The following SUGCT variants were observed in gnomAD, a reference collection of about 807,000 sequenced individuals.
SUGCT encodes succinyl-CoA:glutarate CoA-transferase.
SUGCT carries 41 observed loss-of-function variants against 55.0 expected under a neutral mutation model. The observed-to-expected ratio is 0.74, with a 90% confidence interval of 0.58 to 0.97. SUGCT has a LOEUF of 0.97. Among genes scored for constraint, SUGCT ranks in the 50% least tolerant of loss-of-function variants. The pLI is 0.00. For missense variants in SUGCT, 568 were observed against 547.8 expected, an observed-to-expected ratio of 1.04 and a Z score of -0.37; for synonymous variants, 187 against 200.4, an observed-to-expected ratio of 0.93 and a Z score of 0.56.
At position 40,344,751 on chromosome 7, in the gene SUGCT, A is replaced by G. The variant is rs1473561494; in HGVS notation, c.816+27896A>G. Among the ~76,000 whole-genome samples the G allele has an allele frequency of 7.2e-5, 11 of 152,282 alleles. No individual in the cohort carries two copies. In the East Asian group the frequency reaches 2.1e-3, roughly 29 times the overall value. Reference sequence around the variant, plus strand: ...TCCCTTCTTGGGCTTTTTCCTCCTCAGAGATTTTGCTTGAATTCTACTTTT... The same window carrying G: ...TCCCTTCTTGGGCTTTTTCCTCCTCGGAGATTTTGCTTGAATTCTACTTTT... On this transcript the variant is annotated intron_variant, in intron 9 of 13. Transcript: ENST00000335693.
intron 12 of SUGCT, among the ~76,000 whole-genome samples, chr7:40,669,915 G>A (rs566352751): frequency 6.6e-6 from 1 of 151,890 alleles, no homozygotes; most frequent in East Asian, 1.9e-4. Flanking sequence ...AATTTGTTAA[G>A]AGACATAGTT....
intron 13 of SUGCT, among the ~76,000 whole-genome samples, chr7:40,787,226 G>C (rs2128742445): frequency 6.6e-6 from 1 of 152,260 alleles, no homozygotes; most frequent in African/African-American, 2.4e-5. Flanking sequence ...TCAAAAATCT[G>C]TTCAAAATCA....
chr7:40,403,079 C>T (rs1786169486), intron 9 of SUGCT, among the ~76,000 whole-genome samples: 1 of 152,176 alleles, frequency 6.6e-6, no homozygotes, highest in African/African-American at 2.4e-5. Flanking sequence ...CCTTATTCCT[C>T]ATGTCCTATC....
the SUGCT span, among the ~76,000 whole-genome samples, chr7:40,868,053 T>C: frequency 2.0e-5 from 3 of 152,204 alleles, no homozygotes; most frequent in Admixed American, 2.0e-4. Flanking sequence ...TTTATTTTAC[T>C]ACTCATAGTG....
chr7:40,999,440 G>A, the SUGCT span, among the ~76,000 whole-genome samples: 1 of 152,132 alleles, frequency 6.6e-6, no homozygotes, highest in Non-Finnish European at 1.5e-5. Context: ...TTGAGAAAGA[G>A]GCCAACAGAG....
intron 12 of SUGCT, among the ~76,000 whole-genome samples, chr7:40,563,069 G>A (rs904990180): frequency 6.6e-6 from 1 of 152,060 alleles, no homozygotes; most frequent in South Asian, 2.1e-4. Context: ...CCCAAGTAAC[G>A]GTGGATCATC....
intron 9 of SUGCT, among the ~76,000 whole-genome samples, chr7:40,432,054 G>A (rs1460148971): frequency 6.6e-6 from 1 of 151,996 alleles, no homozygotes; most frequent in African/African-American, 2.4e-5. Context: ...AGTACTTTCA[G>A]TACTATGTTG....
chr7:40,879,991 T>A, the SUGCT span, among the ~76,000 whole-genome samples: 2 of 152,180 alleles, frequency 1.3e-5, no homozygotes, highest in Admixed American at 6.5e-5. Flanking sequence ...AGGAACATAC[T>A]CTGTTCCTTG....
intron 12 of SUGCT, among the ~76,000 whole-genome samples, chr7:40,630,057 A>G (rs948984320): frequency 2.6e-5 from 4 of 152,212 alleles, no homozygotes; most frequent in African/African-American, 9.6e-5. Flanking sequence ...ATGATTTTAA[A>G]TTTATACTAA....
intron 9 of SUGCT, among the ~76,000 whole-genome samples, chr7:40,389,358 G>A (rs1237973170): frequency 6.6e-6 from 1 of 151,974 alleles, no homozygotes; most frequent in Non-Finnish European, 1.5e-5. Flanking sequence ...AGGCTGAGGT[G>A]GGAGAATCAA....
At chr7:40,882,596 C>T in the SUGCT span, among the ~76,000 whole-genome samples, 1 of 152,262 alleles carries the variant, frequency 6.6e-6, no homozygotes, top group African/African-American at 2.4e-5. Flanking sequence ...GATTAAGGCT[C>T]ACACTAATTG....
intron 12 of SUGCT, among the ~76,000 whole-genome samples, chr7:40,559,730 G>A (rs771531194): frequency 3.3e-5 from 5 of 152,202 alleles, no homozygotes; most frequent in Admixed American, 2.0e-4. Flanking sequence ...CTGTGGATGT[G>A]TGGGATGGAG....
At chr7:40,494,305 A>G (rs994745318) in intron 11 of SUGCT, among the ~76,000 whole-genome samples, 1 of 152,182 alleles carries the variant, frequency 6.6e-6, no homozygotes, top group African/African-American at 2.4e-5. Flanking sequence ...CTATTCGAAA[A>G]GGCTGCAGGT....
chr7:40,227,116 G>A (rs560612316), intron 6 of SUGCT, among the ~76,000 whole-genome samples: 98 of 136,088 alleles, frequency 7.2e-4, no homozygotes, highest in African/African-American at 2.5e-3. Context: ...GCGCTGTATC[G>A]GCTCACTGCA....
chr7:40,984,394 C>CA, the SUGCT span, among the ~76,000 whole-genome samples: 3,091 of 149,096 alleles, frequency 0.021, 92 homozygotes, highest in African/African-American at 0.071. Flanking sequence ...TTTTTATAGG[C>CA]AAAAAAAAAT....
intron 3 of SUGCT, among the ~76,000 whole-genome samples, 197 bp from the exon 4 acceptor site, chr7:40,188,298 G>A (rs1785660757): frequency 6.6e-6 from 1 of 151,978 alleles, no homozygotes; most frequent in Non-Finnish European, 1.5e-5. Flanking sequence ...GCCAGGTATG[G>A]TGGTGCACAC....
intron 12 of SUGCT, among the ~76,000 whole-genome samples, chr7:40,507,040 A>G (rs1792647084): frequency 6.6e-6 from 1 of 151,902 alleles, no homozygotes; most frequent in African/African-American, 2.4e-5. Context: ...TCCTAAGTCT[A>G]CCATCAGGAT....
chr7:40,724,414 A>C (rs1786506117), intron 12 of SUGCT, among the ~76,000 whole-genome samples: 1 of 120,540 alleles, frequency 8.3e-6, no homozygotes, highest in Non-Finnish European at 1.6e-5. Context: ...AAATACAAAA[A>C]ATTAACGGCG....
In SUGCT at chr7:40,676,284, G is replaced by A. The variant is rs114737506; in HGVS notation, c.1090-73150G>A. On this transcript the variant is annotated intron_variant, in intron 12 of 13. Coordinates refer to ENST00000335693, the MANE Select transcript of SUGCT (RefSeq NM_001193313.2). ...TGGAAACAGTATAGAATTGAAATAT[G>A]GCTACTATTACTTTTCTAACAATTA... Among the ~76,000 whole-genome samples the A allele has an allele frequency of 2.2e-3, 340 of 152,132 alleles. 1 individual carries two copies. Among genetic ancestry groups the A allele is most frequent in the African/African-American group, 7.8e-3 (324 of 41,496 alleles).
Sources: allele counts gnomAD v4.1 joint callset (sites outside exome capture counted in the v4.1 genomes callset), GRCh38; gene constraint gnomAD v4.1.1; transcripts MANE v1.5; gene names NCBI Gene and HGNC (gene_info 2026-07-23, HGNC 2026-07-21).